PTPRK: variants seen among roughly 807,000 people sequenced by gnomAD.
The protein encoded by PTPRK is receptor-type tyrosine-protein phosphatase kappa.
PTPRK carries 75 observed loss-of-function variants against 178.0 expected under a neutral mutation model. The ratio of observed to expected loss-of-function variants is 0.42; its 90% CI spans 0.35 to 0.51. PTPRK has a LOEUF of 0.51. Ranked by LOEUF, PTPRK falls within the 20% of genes least tolerant of loss-of-function variation. The pLI, the probability that PTPRK is intolerant of heterozygous loss-of-function variation, is 0.02. For synonymous variants in PTPRK, 637 were observed against 620.6 expected (o/e 1.03, Z -0.39); for missense variants, 1,441 against 1,797.8 (o/e 0.80, Z 3.59).
At chr6:128,266,718 G>C (rs1562163597) in intron 3 of PTPRK, among the ~76,000 whole-genome samples, 1 of 152,028 alleles carries the variant, frequency 6.6e-6, no homozygotes, top group Non-Finnish European at 1.5e-5. Context: ...AAGAATCCAA[G>C]CAAAGCTCAC....
intron 18 of PTPRK, among the ~76,000 whole-genome samples, chr6:127,993,870 C>T (rs1011617030): frequency 6.6e-6 from 1 of 151,502 alleles, no homozygotes; most frequent in Admixed American, 6.6e-5. Context: ...AACAGAAAGA[C>T]TAGATAACAA....
intron 1 of PTPRK, among the ~76,000 whole-genome samples, chr6:128,490,519 A>G (rs1168290992): frequency 6.6e-6 from 1 of 152,184 alleles, no homozygotes; most frequent in Non-Finnish European, 1.5e-5. Flanking sequence ...CCAGGCCCCA[A>G]TACTGGGAAG....
chr6:128,243,569 T>A (rs1429821872), intron 3 of PTPRK, among the ~76,000 whole-genome samples: 1 of 147,646 alleles, frequency 6.8e-6, no homozygotes, highest in East Asian at 2.0e-4. Context: ...GCCTATAGTA[T>A]CAGCTACTTC....
At chr6:128,464,638 C>CACACAT (rs1164450520) in intron 1 of PTPRK, among the ~76,000 whole-genome samples, 2 of 48,602 alleles carry the variant, frequency 4.1e-5, no homozygotes, top group African/African-American at 1.9e-4. Context: ...TATATATACA[C>CACACAT]ATATATATAT....
At chr6:128,283,736 T>C (rs1449478214) in intron 3 of PTPRK, among the ~76,000 whole-genome samples, 3 of 152,198 alleles carry the variant, frequency 2.0e-5, no homozygotes, top group African/African-American at 7.2e-5. Flanking sequence ...AGAAATAAAC[T>C]GCCCTTGAAA....
intron 3 of PTPRK, among the ~76,000 whole-genome samples, chr6:128,250,200 T>C (rs759065685): frequency 5.9e-5 from 9 of 152,194 alleles, no homozygotes; most frequent in Non-Finnish European, 7.3e-5. Context: ...TGTATGTCTT[T>C]ATCAGCAGCG....
At chr6:128,451,176 T>C (rs1005493187) in intron 1 of PTPRK, among the ~76,000 whole-genome samples, 1 of 152,226 alleles carries the variant, frequency 6.6e-6, no homozygotes, top group Non-Finnish European at 1.5e-5. Context: ...AAAAATCTGA[T>C]TGTTTGATAC....
At position 128,406,888 on chromosome 6, in the gene PTPRK, A is replaced by T. The variant is rs528162840; in HGVS notation, c.101-9200T>A. 2.6e-5 allele frequency among the ~76,000 whole-genome samples: 4 copies of T among 152,338 alleles called. No individual in the cohort carries two copies. In the South Asian group the frequency reaches 8.3e-4, roughly 32 times the overall value. ...CAGCAAAAAGCACTGCTTTGCACAG[A>T]CATTTAAGTGACATGTAAGTCAATG... On this transcript the variant is annotated intron_variant, in intron 1 of 29. Transcript: ENST00000368226.
intron 21 of PTPRK, among the ~76,000 whole-genome samples, chr6:127,988,230 C>A (rs9375542): frequency 0.39 from 58,826 of 149,590 alleles, 11,608 homozygotes; most frequent in East Asian, 0.43. Context: ...AGAAAGACAT[C>A]ATGAAAGAGG....
chr6:128,300,356 G>C (rs1255968531), intron 3 of PTPRK, among the ~76,000 whole-genome samples: 4 of 152,096 alleles, frequency 2.6e-5, no homozygotes, highest in East Asian at 3.9e-4. Context: ...ATTTGACCCA[G>C]CCATCCCATT....
intron 13 of PTPRK, among the ~76,000 whole-genome samples, chr6:128,022,467 T>C (rs1773671064): frequency 6.6e-6 from 1 of 152,218 alleles, no homozygotes; most frequent in Non-Finnish European, 1.5e-5. Flanking sequence ...ATTTACTTTT[T>C]CGATTATTTT....
At chr6:128,053,435 G>C (rs773933324) in intron 13 of PTPRK, among the ~76,000 whole-genome samples, 2 of 151,934 alleles carry the variant, frequency 1.3e-5, no homozygotes, top group Non-Finnish European at 2.9e-5. Flanking sequence ...CTCCCTCAGA[G>C]TCTGACTCCC....
At chr6:128,401,315 TA>T (rs1840986943) in intron 1 of PTPRK, among the ~76,000 whole-genome samples, 1 of 151,972 alleles carries the variant, frequency 6.6e-6, no homozygotes, top group African/African-American at 2.4e-5. Flanking sequence ...AGATTAAACA[TA>T]AAAAGGAAAG....
intron 3 of PTPRK, among the ~76,000 whole-genome samples, chr6:128,274,653 A>C (rs1820428090): frequency 6.6e-6 from 1 of 152,084 alleles, no homozygotes; most frequent in South Asian, 2.1e-4. Flanking sequence ...AATAAACTTA[A>C]AAGTATTTTT....
intron 1 of PTPRK, among the ~76,000 whole-genome samples, chr6:128,469,729 G>A (rs1323248240): frequency 1.3e-5 from 2 of 152,232 alleles, no homozygotes; most frequent in East Asian, 1.9e-4. Flanking sequence ...ATCAGCTGAC[G>A]TTGAGATGGG....
At chr6:128,335,049 C>T (rs1200037633) in intron 2 of PTPRK, among the ~76,000 whole-genome samples, 1 of 152,178 alleles carries the variant, frequency 6.6e-6, no homozygotes, top group Admixed American at 6.5e-5. Context: ...AGCCATGCCA[C>T]TGCACTTCAG....
At chr6:128,087,387 C>A (rs1319004156) in intron 8 of PTPRK, among the ~76,000 whole-genome samples, 1 of 151,980 alleles carries the variant, frequency 6.6e-6, no homozygotes, top group Non-Finnish European at 1.5e-5. Context: ...ACATGGGCTA[C>A]AAAGTGCCTA....
intron 2 of PTPRK, among the ~76,000 whole-genome samples, chr6:128,397,084 C>G (rs1363451673): frequency 6.6e-6 from 1 of 152,174 alleles, no homozygotes; most frequent in Non-Finnish European, 1.5e-5. Flanking sequence ...ATACTTTTGT[C>G]TCCACACTGC....
At chr6:128,081,486 T>A (rs1158431572) in intron 10 of PTPRK, among the ~76,000 whole-genome samples, 3 of 151,968 alleles carry the variant, frequency 2.0e-5, no homozygotes, top group African/African-American at 7.2e-5. Flanking sequence ...CATGTCTTCC[T>A]TTTAATGCAA....
Sources: allele counts gnomAD v4.1 joint callset (sites outside exome capture counted in the v4.1 genomes callset), GRCh38; gene constraint gnomAD v4.1.1; transcripts MANE v1.5; gene names NCBI Gene and HGNC (gene_info 2026-07-23, HGNC 2026-07-21).